PCM1: variants seen among roughly 807,000 people sequenced by gnomAD.
PCM1 encodes pericentriolar material 1 protein.
PCM1 carries 157 observed loss-of-function variants against 241.9 expected under a neutral mutation model. The ratio of observed to expected loss-of-function variants is 0.65; its 90% CI spans 0.57 to 0.74. The LOEUF (loss-of-function observed/expected upper bound fraction) is 0.74. PCM1 is among the 30% of genes least tolerant of loss of function. The pLI is 0.00. For synonymous variants in PCM1, 1,085 were observed against 784.9 expected (o/e 1.38, Z -6.39); for missense variants, 3,478 against 2,360.1 (o/e 1.47, Z -9.81).
At chr8:17,947,435 G>T in intron 7 of PCM1, 72 bp downstream of exon 7, 1 of 1,049,658 alleles carries the variant, frequency 9.5e-7, no homozygotes, top group South Asian at 1.7e-5. Context: ...GGTGGATGCT[G>T]ATTATTACAT....
intron 6 of PCM1, among the ~76,000 whole-genome samples, chr8:17,945,093 T>G (rs919436614): frequency 9.2e-5 from 14 of 152,148 alleles, no homozygotes; most frequent in Admixed American, 5.2e-4. Context: ...TTTGATTTGG[T>G]TTTACATTTT....
intron 21 of PCM1, 100 bp from the exon 22 acceptor site, chr8:17,969,477 G>A: frequency 3.4e-6 from 3 of 871,470 alleles, no homozygotes; most frequent in South Asian, 3.4e-5. Flanking sequence ...TTGTTTTGGT[G>A]GATTTGAATG....
chr8:17,960,448 A>G lies in PCM1; in HGVS notation c.2322+4A>G, dbSNP rs917776076. ...AACGGCATGCCCTGACTTACAGGTA[A>G]TTATGAAATTTATTTCTAATTGTCT... On this transcript the variant is annotated splice_donor_region_variant and intron_variant, in intron 15 of 38. Coordinates refer to ENST00000325083, the MANE Select transcript of PCM1 (RefSeq NM_006197.4). 7.6e-6 allele frequency: 12 copies of G among 1,574,062 alleles called. No individual in the cohort carries two copies. Among genetic ancestry groups the G allele is most frequent in the African/African-American group, 4.2e-5 (3 of 71,616 alleles).
At chr8:18,023,567 T>C (rs1441119374) in intron 36 of PCM1, among the ~76,000 whole-genome samples, 2 of 152,008 alleles carry the variant, frequency 1.3e-5, no homozygotes, top group Non-Finnish European at 2.9e-5. Flanking sequence ...GTATTGTTTT[T>C]ATGTTAATTA....
At position 17,972,538 on chromosome 8, in the gene PCM1, C is replaced by G. The variant is rs2077190266; in HGVS notation, c.3794C>G (p.Pro1265Arg). The change falls in exon 23 of 39, where the codon CCT becomes CGT. Residue 1265 changes from proline to arginine, a missense_variant. Physicochemically the swap from Pro to Arg is moderately radical, Grantham distance 103. Transcript: ENST00000325083. ...TCACTGGAAAGCTTTAGCAGTATGC[C>G]TGATCCAGTAGATCCAACAACAGTG... ...EESLESFSSM[P>R]DPVDPTTVTK... The G allele has an allele frequency of 6.2e-7, 1 of 1,613,754 alleles. No individual in the cohort carries two copies. The highest frequency in any genetic ancestry group is 8.5e-7 in the Non-Finnish European group (1 of 1,179,784).
intron 29 of PCM1, 150 bp from the exon 30 acceptor site, chr8:18,006,113 T>C (rs1329069085): frequency 4.5e-6 from 3 of 670,762 alleles, no homozygotes; most frequent in African/African-American, 3.6e-5. Context: ...TGGCTTTTCT[T>C]ATGAATGGAT....
intron 2 of PCM1, among the ~76,000 whole-genome samples, chr8:17,929,159 C>G (rs976534966): frequency 6.6e-6 from 1 of 152,086 alleles, no homozygotes; most frequent in African/African-American, 2.4e-5. Context: ...TCAACAGTAA[C>G]CTTGTTGCTA....
chr8:18,019,160 G>C (rs2093557650), intron 36 of PCM1, among the ~76,000 whole-genome samples: 1 of 151,920 alleles, frequency 6.6e-6, no homozygotes, highest in Admixed American at 6.6e-5. Context: ...AGTGCCACAG[G>C]GGTTCGCTGA....
chr8:18,009,712 G>A lies in PCM1; in HGVS notation c.5128G>A (p.Ala1710Thr). ...VKQRCKRKIEATGVIQSCAKE... is the reference protein window; with the variant it reads ...VKQRCKRKIETTGVIQSCAKE... The stretch of plus-strand genomic sequence containing the variant: ...ACAGAGATGCAAAAGGAAAATAGAA[G>A]CAACTGGAGTGATACAATCTTGTGC... The change falls in exon 31 of 39, where the codon GCA becomes ACA. Residue 1710 changes from alanine (A) to threonine (T), a missense_variant. Coordinates refer to ENST00000325083, the MANE Select transcript of PCM1 (RefSeq NM_006197.4). 1 of 1,499,694 alleles carries A rather than the reference G, an allele frequency of 6.7e-7. No individual in the cohort carries two copies. The highest frequency in any genetic ancestry group is 1.5e-5 in the South Asian group (1 of 68,356). The allele number at this position is 1,499,694 out of a possible 1,614,324, so 92.9% of individuals were successfully genotyped here. A position where few individuals can be genotyped will look rare whatever the true frequency, so the allele number is the denominator to read the frequency against.
At position 17,964,710 on chromosome 8, in the gene PCM1, G is replaced by T. The variant is rs770521901; in HGVS notation, c.2797G>T (p.Val933Leu). Residue 933 changes from valine (V) to leucine (L), a missense_variant, in exon 18 of 39, where the codon GTG becomes TTG. Physicochemically the swap from Val to Leu is conservative, Grantham distance 32. Coordinates refer to ENST00000325083, the MANE Select transcript of PCM1 (RefSeq NM_006197.4). The part of the protein sequence containing the change: ...QDASSNDNFS[V>L]CPSNSVNHNS... ...TGCCAGTTCCAATGATAACTTTTCT[G>T]TGTGTCCTTCTAACAGTGTGAATCA... 6.2e-7 allele frequency: 1 copy of T among 1,613,906 alleles called. No individual in the cohort carries two copies. The highest frequency in any genetic ancestry group is 1.1e-5 in the South Asian group (1 of 91,084).
intron 6 of PCM1, among the ~76,000 whole-genome samples, chr8:17,941,401 C>T (rs2061991125): frequency 6.6e-6 from 1 of 152,030 alleles, no homozygotes; most frequent in Non-Finnish European, 1.5e-5. Context: ...GCTTTAACAA[C>T]TGTGTGGTAT....
At position 17,991,641 on chromosome 8, in the gene PCM1, G is replaced by T. The variant is rs755128875; in HGVS notation, c.4631G>T (p.Cys1544Phe). 6.4e-7 allele frequency: 1 copy of T among 1,570,368 alleles called. No homozygotes were observed. Among genetic ancestry groups the T allele is most frequent in the South Asian group, 1.2e-5 (1 of 85,352 alleles). Residue 1544 changes from cysteine (C) to phenylalanine (F), a missense_variant, in exon 28 of 39, where the codon TGC becomes TTC. Transcript: ENST00000325083. ...AESNSNMRCT[C>F]RIIEDGDGAG... ...AGTAACTCAAATATGAGATGCACCT[G>T]CAGGATTATTGAGGATGGAGATGGT...
intron 24 of PCM1, among the ~76,000 whole-genome samples, chr8:17,983,612 C>G (rs1044054934): frequency 2.6e-5 from 4 of 152,010 alleles, no homozygotes; most frequent in African/African-American, 4.8e-5. Flanking sequence ...ATTTCTTAGA[C>G]CTAGAAATAT....
At position 17,981,128 on chromosome 8, in the gene PCM1, A is replaced by G. The variant is rs111973195; in HGVS notation, c.4108+373A>G. On this transcript the variant is annotated intron_variant, in intron 24 of 38. Transcript: ENST00000325083. ...GTCTGAATGCCTTCATGGAACGTAC[A>G]TGGCCATCAGGGATTTGGTTCCTTC... 9.8e-3 allele frequency among the ~76,000 whole-genome samples: 1,486 copies of G among 152,302 alleles called. 21 individuals carry two copies. The highest frequency in any genetic ancestry group is 0.032 in the African/African-American group (1,347 of 41,572).
intron 21 of PCM1, among the ~76,000 whole-genome samples, chr8:17,968,992 A>C (rs1242266394): frequency 6.6e-6 from 1 of 152,032 alleles, no homozygotes; most frequent in Non-Finnish European, 1.5e-5. Flanking sequence ...TCTTCTTAAC[A>C]GTACAATTTT....
At chr8:17,982,607 G>C (rs181817327) in intron 24 of PCM1, 2 of 152,292 alleles carry the variant, frequency 1.3e-5, no homozygotes, top group Admixed American at 1.3e-4. Context: ...CGATTCTCCT[G>C]CCTCAGCCCA....
chr8:18,003,183 C>G (rs1371491964), intron 29 of PCM1, among the ~76,000 whole-genome samples: 1 of 152,224 alleles, frequency 6.6e-6, no homozygotes, highest in Non-Finnish European at 1.5e-5. Flanking sequence ...ATGTTAATCT[C>G]TTTTGGTCAC....
At chr8:17,943,440 A>C (rs938668535) in intron 6 of PCM1, among the ~76,000 whole-genome samples, 1 of 152,208 alleles carries the variant, frequency 6.6e-6, no homozygotes, top group Non-Finnish European at 1.5e-5. Context: ...ATAGGTAACC[A>C]TTGGAATTTT....
chr8:17,975,023 A>T (rs986966582), intron 23 of PCM1, among the ~76,000 whole-genome samples: 3 of 152,130 alleles, frequency 2.0e-5, no homozygotes, highest in African/African-American at 7.2e-5. Flanking sequence ...ATCATCTGGG[A>T]TATTATTAGA....
Sources: gnomAD v4.1 joint callset for allele counts (sites outside exome capture counted in the v4.1 genomes callset) on GRCh38, gnomAD v4.1.1 for gene constraint, MANE v1.5 for transcripts, NCBI Gene and HGNC (gene_info 2026-07-23, HGNC 2026-07-21) for gene names.